Variants in JAM3 observed in about 807,000 individuals in gnomAD.
JAM3 encodes the protein junctional adhesion molecule 3, also known as junctional adhesion molecule C.
A neutral mutation model predicts 39.4 loss-of-function variants in JAM3; 31 were observed. The observed-to-expected ratio is 0.79, with a 90% CI of 0.59 to 1.06. The LOEUF (loss-of-function observed/expected upper bound fraction) is 1.06, where lower values mean the gene tolerates loss of function less well. Ranked by LOEUF, JAM3 falls within the 50% of genes least tolerant of loss-of-function variation. The pLI is 0.00. For missense variants in JAM3, 455 were observed against 391.4 expected (o/e 1.16, Z -1.37); for synonymous variants, 182 against 148.7 (o/e 1.22, Z -1.63).
intron 1 of JAM3, among the ~76,000 whole-genome samples, chr11:134,093,538 C>T (rs1361022025): frequency 7.5e-6 from 1 of 133,938 alleles, no homozygotes; most frequent in Non-Finnish European, 1.6e-5. Flanking sequence ...CCTCCTTATT[C>T]ATCATGTTCC....
chr11:134,110,307 T>TA (rs1942285084), intron 1 of JAM3, among the ~76,000 whole-genome samples: 1 of 152,228 alleles, frequency 6.6e-6, no homozygotes, highest in Non-Finnish European at 1.5e-5. Context: ...TACTCCCACA[T>TA]ACTTATGTAA....
chr11:134,085,266 A>G lies in JAM3; in HGVS notation c.76+16107A>G, dbSNP rs530231323. On this transcript the variant is annotated intron_variant, in intron 1 of 8. Transcript: ENST00000299106. ...TCCTTAAAACTCTGCATGATTTGCA[A>G]TAATGAATTATGAAGTAGAAAGAAA... Among the ~76,000 whole-genome samples, 5 of 152,358 alleles carry G rather than the reference A, an allele frequency of 3.3e-5. No individual in the cohort carries two copies. The East Asian group carries it at 9.6e-4, about 29-fold the overall frequency.
In JAM3 at chr11:134,120,778, G is replaced by C. The variant is rs977143246; in HGVS notation, c.77-19073G>C. Among the ~76,000 whole-genome samples the C allele has an allele frequency of 2.6e-5, 4 of 152,262 alleles. No homozygotes were observed. The East Asian group carries it at 7.7e-4, about 29-fold the overall frequency. ...TCACGCCATTATGTGAAAACTCTTA[G>C]CAAAATCCATCAAAATGAGCCAGGC... On this transcript the variant is annotated intron_variant, in intron 1 of 8. Coordinates refer to ENST00000299106, the MANE Select transcript of JAM3 (RefSeq NM_032801.5).
intron 1 of JAM3, chr11:134,070,171 G>A (rs1169553786): frequency 2.2e-6 from 1 of 456,106 alleles, no homozygotes; most frequent in Non-Finnish European, 4.4e-6. Context: ...TCCATTTTCA[G>A]AGTCAAGTCT....
At chr11:134,119,645 G>T (rs896418556) in intron 1 of JAM3, among the ~76,000 whole-genome samples, 1 of 152,202 alleles carries the variant, frequency 6.6e-6, no homozygotes, top group African/African-American at 2.4e-5. Flanking sequence ...TCTGCTGGAG[G>T]AGTTTCCTCT....
Position 134,069,142 on chromosome 11 carries a change from T to A in JAM3, c.59T>A (p.Leu20Gln), listed in dbSNP as rs1941445357. 1 of 1,612,846 alleles carries A rather than the reference T, an allele frequency of 6.2e-7. No homozygotes were observed. The highest frequency in any genetic ancestry group is 1.3e-5 in the African/African-American group (1 of 74,834). ...TGCGCTCGGCTGCCTGACTTCTTCCTGCTGCTGCTTTTCAGGGGTGAGTTT... is the reference window on the plus strand; with the variant it reads ...TGCGCTCGGCTGCCTGACTTCTTCCAGCTGCTGCTTTTCAGGGGTGAGTTT... Reference protein sequence around the residue: ...RLCARLPDFFLLLLFRGCLIG... With the variant: ...RLCARLPDFFQLLLFRGCLIG... The change falls in exon 1 of 9, where the codon CTG becomes CAG. Residue 20 changes from leucine (L) to glutamine (Q), a missense_variant. Coordinates refer to ENST00000299106, the MANE Select transcript of JAM3 (RefSeq NM_032801.5).
intron 1 of JAM3, among the ~76,000 whole-genome samples, chr11:134,109,021 A>G (rs1249480412): frequency 6.6e-6 from 1 of 152,072 alleles, no homozygotes; most frequent in Non-Finnish European, 1.5e-5. Context: ...CAGTGGCACA[A>G]TCTCAGCTCA....
chr11:134,096,398 T>A (rs1015991794), intron 1 of JAM3, among the ~76,000 whole-genome samples: 3 of 152,260 alleles, frequency 2.0e-5, no homozygotes, highest in African/African-American at 7.2e-5. Context: ...GGCCTGGGTC[T>A]GGATTGGCAC....
intron 1 of JAM3, chr11:134,126,251 C>G (rs1303249768): frequency 6.6e-6 from 1 of 152,232 alleles, no homozygotes; most frequent in Non-Finnish European, 1.5e-5. Context: ...CCAAGGTCCT[C>G]TGGCTCTCTA....
intron 1 of JAM3, among the ~76,000 whole-genome samples, chr11:134,089,907 T>C (rs1941814074): frequency 6.6e-6 from 1 of 152,230 alleles, no homozygotes; most frequent in South Asian, 2.1e-4. Context: ...ATGATTGAAC[T>C]AGTTTACAGT....
intron 1 of JAM3, among the ~76,000 whole-genome samples, chr11:134,089,005 C>T (rs929434754): frequency 6.6e-6 from 1 of 152,136 alleles, no homozygotes; most frequent in Non-Finnish European, 1.5e-5. Flanking sequence ...GTCAGTTCAC[C>T]ATTATAAGCC....
intron 1 of JAM3, among the ~76,000 whole-genome samples, chr11:134,102,498 A>G (rs915198788): frequency 1.3e-5 from 2 of 152,208 alleles, no homozygotes; most frequent in African/African-American, 2.4e-5. Flanking sequence ...CCAGCAACGG[A>G]ACAAAGCTGG....
chr11:134,146,423 G>A (rs955887400), intron 6 of JAM3, among the ~76,000 whole-genome samples: 2 of 151,932 alleles, frequency 1.3e-5, no homozygotes, highest in Admixed American at 1.3e-4. Flanking sequence ...GTTTTAGCCC[G>A]AGTAATTTTA....
chr11:134,113,084 G>A (rs574429654), intron 1 of JAM3, among the ~76,000 whole-genome samples: 1 of 152,164 alleles, frequency 6.6e-6, no homozygotes, highest in South Asian at 2.1e-4. Context: ...TCAGTACCTA[G>A]CATGGTAACT....
chr11:134,072,835 G>A (rs917324707), intron 1 of JAM3, among the ~76,000 whole-genome samples: 1 of 152,138 alleles, frequency 6.6e-6, no homozygotes, highest in African/African-American at 2.4e-5. Flanking sequence ...GCTTGAACCC[G>A]GGAGGTGGAG....
At chr11:134,070,972 G>GC (rs1193585165) in intron 1 of JAM3, among the ~76,000 whole-genome samples, 2 of 152,114 alleles carry the variant, frequency 1.3e-5, no homozygotes, top group African/African-American at 2.4e-5. Context: ...CACTTTGAAG[G>GC]CGTGTAGCTA....
chr11:134,143,844 G>A (rs966636680), intron 3 of JAM3, among the ~76,000 whole-genome samples: 2 of 152,210 alleles, frequency 1.3e-5, no homozygotes, highest in African/African-American at 4.8e-5. Flanking sequence ...GAGTGAGAGA[G>A]AGGTTCAACT....
chr11:134,113,202 T>G (rs1030645134), intron 1 of JAM3, among the ~76,000 whole-genome samples: 2 of 151,746 alleles, frequency 1.3e-5, no homozygotes, highest in Admixed American at 6.6e-5. Flanking sequence ...CTGTCTGGTT[T>G]TTTTTTTTTT....
At chr11:134,147,624 C>A (rs1397280990) in intron 6 of JAM3, among the ~76,000 whole-genome samples, 4 of 151,762 alleles carry the variant, frequency 2.6e-5, no homozygotes, top group Non-Finnish European at 5.9e-5. Context: ...GTAGCTGGGA[C>A]TACAGGCACC....
Sources: allele counts gnomAD v4.1 joint callset (sites outside exome capture counted in the v4.1 genomes callset), GRCh38; gene constraint gnomAD v4.1.1; transcripts MANE v1.5; gene names NCBI Gene and HGNC (gene_info 2026-07-23, HGNC 2026-07-21).